LMNB1: variants seen among roughly 807,000 people sequenced by gnomAD.
LMNB1 encodes lamin-B1.
LMNB1 carries 23 observed loss-of-function variants against 67.1 expected under a neutral mutation model. The ratio of observed to expected loss-of-function variants is 0.34; its 90% CI spans 0.25 to 0.49. The LOEUF (loss-of-function observed/expected upper bound fraction) is 0.49. LMNB1 is among the 20% of genes least tolerant of loss of function. The pLI is 0.99. For missense variants in LMNB1, 634 were observed against 746.5 expected, an observed-to-expected ratio of 0.85 and a Z score of 1.76; for synonymous variants, 281 against 282.9, an observed-to-expected ratio of 0.99 and a Z score of 0.07.
Position 126,836,981 on chromosome 5 carries a change from T to C in LMNB1, c.*717T>C, listed in dbSNP as rs1262687323. The C allele has an allele frequency of 2.8e-5, 11 of 398,046 alleles. No homozygotes were observed. The highest frequency in any genetic ancestry group is 4.4e-5 in the Non-Finnish European group (10 of 225,816). The allele number at this position is 398,046 out of a possible 1,614,324, so 24.7% of individuals were successfully genotyped here. The stretch of plus-strand genomic sequence containing the variant: ...GATAGTGTAACTTGCTTAAATTTCT[T>C]ATGTGACATTAACAAATAAAAAAGC... On this transcript the variant is annotated 3_prime_UTR_variant, in exon 11 of 11. Coordinates refer to ENST00000261366, the MANE Select transcript of LMNB1 (RefSeq NM_005573.4).
At chr5:126,787,546 A>ATTTTTTTTT (rs142332901) in intron 1 of LMNB1, among the ~76,000 whole-genome samples, 4 of 65,578 alleles carry the variant, frequency 6.1e-5, no homozygotes, top group African/African-American at 2.6e-4. Context: ...ATATATATAT[A>ATTTTTTTTT]TTTTTTTTTT....
chr5:126,833,408 G>A (rs1580560934), intron 10 of LMNB1, among the ~76,000 whole-genome samples: 1 of 152,164 alleles, frequency 6.6e-6, no homozygotes, highest in African/African-American at 2.4e-5. Context: ...ATTAATCAAA[G>A]TGTCTACCCT....
chr5:126,799,615 A>C (rs1751212506), intron 1 of LMNB1, among the ~76,000 whole-genome samples: 1 of 152,240 alleles, frequency 6.6e-6, no homozygotes, highest in Non-Finnish European at 1.5e-5. Flanking sequence ...GGAAGGGAAT[A>C]CTAAAAACGC....
At chr5:126,819,764 A>C (rs555167035) in intron 6 of LMNB1, among the ~76,000 whole-genome samples, 2 of 152,254 alleles carry the variant, frequency 1.3e-5, no homozygotes, top group African/African-American at 4.8e-5. Context: ...CTAGGATTAC[A>C]GGTGTGAGCC....
At chr5:126,821,495 C>T (rs538514747) in intron 7 of LMNB1, among the ~76,000 whole-genome samples, 9 of 152,072 alleles carry the variant, frequency 5.9e-5, no homozygotes, top group African/African-American at 1.4e-4. Context: ...GATATTCTTT[C>T]GGTCATTAAC....
Position 126,780,686 on chromosome 5 carries a change from T to C in LMNB1, c.359+2819T>C, listed in dbSNP as rs534065258. On this transcript the variant is annotated intron_variant, in intron 1 of 10. Coordinates refer to ENST00000261366, the MANE Select transcript of LMNB1 (RefSeq NM_005573.4). ...TAGTAGTGTTCTGGGATTATATTTT[T>C]CTTAAGTCTGTGCTACTGTATGTAT... Among the ~76,000 whole-genome samples, 6 of 152,310 alleles carry C rather than the reference T, an allele frequency of 3.9e-5. No individual in the cohort carries two copies. The South Asian group carries it at 1.0e-3, about 26-fold the overall frequency.
rs1751377977 is a variant in LMNB1 at position 126,804,922 on chromosome 5, A to G, written c.506A>G (p.Gln169Arg). Reference protein sequence around the residue: ...LEGDLEDLKDQIAQLEASLAA... With the variant: ...LEGDLEDLKDRIAQLEASLAA... ...GGAGATTTGGAGGATCTGAAGGATC[A>G]GATTGCCCAGGTAAGGTCAAGCCTA... is the stretch of plus-strand genomic sequence containing the variant. Residue 169 changes from glutamine to arginine, a missense_variant, in exon 2 of 11, where the codon CAG becomes CGG. Gln to Arg is a conservative substitution (Grantham distance 43). Coordinates refer to ENST00000261366, the MANE Select transcript of LMNB1 (RefSeq NM_005573.4). 2 of 1,613,884 alleles carry G rather than the reference A, an allele frequency of 1.2e-6. No individual in the cohort carries two copies. The highest frequency in any genetic ancestry group is 1.3e-5 in the African/African-American group (1 of 74,940).
At chr5:126,815,365 AT>A (rs1363965025) in intron 5 of LMNB1, 30 of 152,160 alleles carry the variant, frequency 2.0e-4, no homozygotes, top group African/African-American at 4.1e-4. Flanking sequence ...GGAATTAGAA[AT>A]TTTACATTGC....
In LMNB1 at chr5:126,832,811, T is replaced by C. The variant is rs1561756574; in HGVS notation, c.1719+10T>C. ...ACTTTTCCACCAGCAGGTATTACTTTATTTATTTAATATATTTATTTCAAA... is the reference window on the plus strand; with the variant it reads ...ACTTTTCCACCAGCAGGTATTACTTCATTTATTTAATATATTTATTTCAAA... On this transcript the variant is annotated intron_variant, in intron 10 of 10. Transcript: ENST00000261366. The C allele has an allele frequency of 1.3e-6, 2 of 1,515,922 alleles. No homozygotes were observed. The highest frequency in any genetic ancestry group is 1.8e-6 in the Non-Finnish European group (2 of 1,109,588). The allele number at this position is 1,515,922 out of a possible 1,614,324, so 93.9% of individuals were successfully genotyped here. A position where few individuals can be genotyped will look rare whatever the true frequency, so the allele number is the denominator to read the frequency against.
chr5:126,832,741 AGAG>A lies in LMNB1; in HGVS notation c.1671_1673del (p.Glu559del), dbSNP rs529151539. 1.6e-5 allele frequency: 25 copies of A among 1,611,938 alleles called. No homozygotes were observed. Among genetic ancestry groups the A allele is most frequent in the South Asian group, 3.3e-5 (3 of 90,952 alleles). ...TCTTTAAAACAACCATACCTGAAGA[AGAG>A]GAGGAGGAGGAAGAAGCAGCTGGAG... is the stretch of plus-strand genomic sequence containing the variant. On this transcript the variant is annotated inframe_deletion, in exon 10 of 11. Transcript: ENST00000261366.
chr5:126,818,284 G>A (rs1235392208), intron 5 of LMNB1, among the ~76,000 whole-genome samples: 3 of 150,360 alleles, frequency 2.0e-5, no homozygotes, highest in Non-Finnish European at 4.4e-5. Flanking sequence ...TGTTGCCCAG[G>A]TTGGAGTGCA....
intron 1 of LMNB1, among the ~76,000 whole-genome samples, chr5:126,780,824 T>C (rs1750616288): frequency 6.6e-6 from 1 of 152,110 alleles, no homozygotes; most frequent in Non-Finnish European, 1.5e-5. Flanking sequence ...TTTTTTTATA[T>C]GGATTTATTC....
intron 1 of LMNB1, among the ~76,000 whole-genome samples, chr5:126,796,078 A>G: frequency 6.6e-6 from 1 of 151,532 alleles, no homozygotes; most frequent in East Asian, 1.9e-4. Flanking sequence ...GATTACAGGC[A>G]TGCACCACTA....
At chr5:126,827,064 C>T (rs949156992) in intron 9 of LMNB1, among the ~76,000 whole-genome samples, 49 of 152,170 alleles carry the variant, frequency 3.2e-4, no homozygotes, top group African/African-American at 1.2e-3. Flanking sequence ...GCAGGCTCTG[C>T]TGTTTGTACC....
intron 1 of LMNB1, among the ~76,000 whole-genome samples, chr5:126,802,736 C>T (rs530072340): frequency 1.2e-3 from 180 of 152,216 alleles, no homozygotes; most frequent in African/African-American, 3.8e-3. Flanking sequence ...CCACCATGCC[C>T]GGCAATAATT....
At position 126,784,718 on chromosome 5, in the gene LMNB1, C is replaced by T. The variant is rs1458963152; in HGVS notation, c.359+6851C>T. 4.0e-5 allele frequency among the ~76,000 whole-genome samples: 6 copies of T among 150,200 alleles called. No homozygotes were observed. The East Asian group carries it at 1.2e-3, about 30-fold the overall frequency. On this transcript the variant is annotated intron_variant, in intron 1 of 10. Coordinates refer to ENST00000261366, the MANE Select transcript of LMNB1 (RefSeq NM_005573.4). ...TCGCCCAGGCTGGAGTGCAGTGGCG[C>T]CATCTCGGCTCACTGCAAGCTCCAC...
At chr5:126,819,207 A>G in intron 6 of LMNB1, 65 bp downstream of exon 6, 1 of 1,016,854 alleles carries the variant, frequency 9.8e-7, no homozygotes, top group South Asian at 1.5e-5. Context: ...TTTTATTGAA[A>G]TAAAAATAAA....
chr5:126,814,075 G>C (rs1441385063), intron 5 of LMNB1, among the ~76,000 whole-genome samples: 4 of 151,934 alleles, frequency 2.6e-5, no homozygotes, highest in Non-Finnish European at 4.4e-5. Context: ...TTGTATTTTT[G>C]GTAGAGACAG....
In LMNB1 at chr5:126,836,737, T is replaced by C; in HGVS notation, c.*473T>C. ...TGAACTTTTGTACTGAATTTTTTTG[T>C]AATAAGCAATCAAGGTTATAATTTT... On this transcript the variant is annotated 3_prime_UTR_variant, in exon 11 of 11. Transcript: ENST00000261366. 2 of 392,862 alleles carry C rather than the reference T, an allele frequency of 5.1e-6. No individual in the cohort carries two copies. Among genetic ancestry groups the C allele is most frequent in the Non-Finnish European group, 9.0e-6 (2 of 223,208 alleles). The allele number at this position is 392,862 out of a possible 1,614,324, so 24.3% of individuals were successfully genotyped here.
Sources: allele counts gnomAD v4.1 joint callset (sites outside exome capture counted in the v4.1 genomes callset), GRCh38; gene constraint gnomAD v4.1.1; transcripts MANE v1.5; gene names NCBI Gene and HGNC (gene_info 2026-07-23, HGNC 2026-07-21).